The following DSCAM variants were observed in gnomAD, a reference collection of about 807,000 sequenced individuals.
DSCAM encodes the protein cell adhesion molecule DSCAM.
Under a neutral mutation model 217.7 loss-of-function variants are expected in DSCAM, and 47 were observed. The observed-to-expected ratio is 0.22, with a 90% CI of 0.17 to 0.28. The LOEUF is 0.28. Ranked by LOEUF, DSCAM falls within the 10% of genes least tolerant of loss-of-function variation. The pLI is 1.00. For missense variants in DSCAM, 2,080 were observed against 2,618.3 expected (o/e 0.79, Z 4.49); for synonymous variants, 1,056 against 1,015.3 (o/e 1.04, Z -0.76).
chr21:40,266,636 TA>T (rs746836342), intron 11 of DSCAM, among the ~76,000 whole-genome samples: 4,812 of 23,580 alleles, frequency 0.2, 417 homozygotes, highest in East Asian at 0.46. Context: ...AAAGATGTTT[TA>T]TATATATATA....
At chr21:40,341,714 A>T (rs7279578) in intron 6 of DSCAM, among the ~76,000 whole-genome samples, 111,600 of 152,130 alleles carry the variant, frequency 0.73, 41,363 homozygotes, top group African/African-American at 0.83. Context: ...GTGCATATAT[A>T]TCATCATAAT....
At chr21:40,277,691 T>A (rs772767120) in intron 10 of DSCAM, among the ~76,000 whole-genome samples, 3 of 147,936 alleles carry the variant, frequency 2.0e-5, no homozygotes, top group Non-Finnish European at 4.5e-5. Flanking sequence ...TGGAGTGCAG[T>A]GGCACGATTT....
intron 3 of DSCAM, among the ~76,000 whole-genome samples, chr21:40,647,505 A>G (rs2089962105): frequency 7.7e-6 from 1 of 129,892 alleles, no homozygotes; most frequent in African/African-American, 2.6e-5. Context: ...AAATAAGTTT[A>G]ATGGACCACT....
chr21:40,639,659 GTGA>G (rs896142655), intron 3 of DSCAM, among the ~76,000 whole-genome samples: 3 of 149,110 alleles, frequency 2.0e-5, no homozygotes, highest in African/African-American at 7.4e-5. Context: ...ATGGTTCTTC[GTGA>G]TGCTTTGTGT....
In DSCAM at chr21:40,235,263, A is replaced by T. The variant is rs544697169; in HGVS notation, c.2356+40834T>A. Among the ~76,000 whole-genome samples the T allele has an allele frequency of 5.7e-4, 87 of 152,328 alleles. 1 individual carries two copies. The South Asian group carries it at 0.015, about 27-fold the overall frequency. ...GAGACTCAAAACAGACAGTGGTTTCATATCAGTTAACCGTATGGTCCAGAG... is the reference window on the plus strand; with the variant it reads ...GAGACTCAAAACAGACAGTGGTTTCTTATCAGTTAACCGTATGGTCCAGAG... On this transcript the variant is annotated intron_variant, in intron 11 of 32. Transcript: ENST00000400454.
intron 3 of DSCAM, among the ~76,000 whole-genome samples, chr21:40,391,228 T>G (rs2075131054): frequency 6.6e-6 from 1 of 152,202 alleles, no homozygotes; most frequent in Non-Finnish European, 1.5e-5. Flanking sequence ...GCTGTTAGAA[T>G]GAGCAGCAAT....
At chr21:40,420,567 C>G (rs2075414042) in intron 3 of DSCAM, among the ~76,000 whole-genome samples, 1 of 152,092 alleles carries the variant, frequency 6.6e-6, no homozygotes, top group Non-Finnish European at 1.5e-5. Flanking sequence ...AATTCTGTTT[C>G]CCCAAAATTT....
At chr21:40,369,279 G>A in intron 3 of DSCAM, 34 bp from the exon 4 acceptor site, 3 of 1,583,100 alleles carry the variant, frequency 1.9e-6, no homozygotes, top group South Asian at 1.2e-5. Context: ...TTGGTTAAAA[G>A]ACAATGAAAG....
At chr21:40,306,736 G>C (rs2074081435) in intron 9 of DSCAM, among the ~76,000 whole-genome samples, 1 of 152,136 alleles carries the variant, frequency 6.6e-6, no homozygotes, top group Non-Finnish European at 1.5e-5. Context: ...TTATATGCTA[G>C]ATTATATTTA....
At chr21:40,379,303 T>C (rs1037713566) in intron 3 of DSCAM, among the ~76,000 whole-genome samples, 7 of 152,210 alleles carry the variant, frequency 4.6e-5, no homozygotes, top group Non-Finnish European at 1.0e-4. Context: ...TGGAAAAAGA[T>C]GTCAGTGGGT....
At chr21:40,483,928 C>A (rs549815206) in intron 3 of DSCAM, among the ~76,000 whole-genome samples, 1 of 152,134 alleles carries the variant, frequency 6.6e-6, no homozygotes, top group Non-Finnish European at 1.5e-5. Flanking sequence ...TCTTTCCTTA[C>A]CAAGGCTGAG....
At chr21:40,723,864 A>G (rs564794821) in intron 1 of DSCAM, among the ~76,000 whole-genome samples, 17 of 152,330 alleles carry the variant, frequency 1.1e-4, no homozygotes, top group African/African-American at 4.1e-4. Context: ...TTTTTATCCA[A>G]TATTTGTACT....
rs753491637 is a variant in DSCAM, at chr21:40,347,734, T to C, written c.1146A>G (p.Ala382=). 5.0e-6 allele frequency: 8 copies of C among 1,614,110 alleles called. No individual in the cohort carries two copies. In the East Asian group the frequency reaches 1.6e-4, roughly 31 times the overall value. ...MDHMVKSDGG[A]YQCFVRKDKL... ...TGTCCTTGCGCACAAAGCACTGGTA[T>C]GCGCCCCCGTCACTTTTGACCATGT... Residue 382 remains alanine (A), a synonymous_variant, in exon 6 of 33, where the codon GCA becomes GCG. Coordinates refer to ENST00000400454, the MANE Select transcript of DSCAM (RefSeq NM_001389.5).
intron 3 of DSCAM, among the ~76,000 whole-genome samples, chr21:40,449,023 T>C (rs73222695): frequency 0.023 from 3,479 of 152,272 alleles, 43 homozygotes; most frequent in South Asian, 0.047. Flanking sequence ...TTATTCCTTT[T>C]CCAGCTTTCA....
intron 11 of DSCAM, among the ~76,000 whole-genome samples, chr21:40,256,962 T>C (rs938448233): frequency 6.6e-6 from 1 of 152,160 alleles, no homozygotes; most frequent in Non-Finnish European, 1.5e-5. Context: ...ACAAACCCTG[T>C]CCCTAAAAGA....
chr21:40,744,706 C>T (rs2091157564), intron 1 of DSCAM, among the ~76,000 whole-genome samples: 1 of 151,956 alleles, frequency 6.6e-6, no homozygotes, highest in East Asian at 1.9e-4. Flanking sequence ...AATATGCAGG[C>T]ATCATCATAA....
At chr21:40,735,092 T>A (rs1157405978) in intron 1 of DSCAM, among the ~76,000 whole-genome samples, 1 of 152,248 alleles carries the variant, frequency 6.6e-6, no homozygotes, top group Admixed American at 6.5e-5. Flanking sequence ...TTACTCTCTG[T>A]TCTCTTTGCC....
rs893547268 is a variant in DSCAM, at chr21:40,016,750, T to C, written c.5687-3364A>G. 1.3e-5 allele frequency among the ~76,000 whole-genome samples: 2 copies of C among 152,314 alleles called. No homozygotes were observed. Among genetic ancestry groups the C allele is most frequent in the East Asian group, 1.9e-4 (1 of 5,180 alleles). On this transcript the variant is annotated intron_variant, in intron 32 of 32. Coordinates refer to ENST00000400454, the MANE Select transcript of DSCAM (RefSeq NM_001389.5). This position sits in a 1 kb window ranked among gnomAD's most constrained non-coding sequence, Gnocchi z 4.3. ...ATGAAAGTGATATGTGTTTAGACAG[T>C]GTTTAAAGCCTGAACCTTAGGAAAC... is the stretch of plus-strand genomic sequence containing the variant.
chr21:40,066,805 C>T (rs1246682172), intron 27 of DSCAM, among the ~76,000 whole-genome samples: 1 of 152,178 alleles, frequency 6.6e-6, no homozygotes, highest in Non-Finnish European at 1.5e-5. Context: ...TATTAATCAG[C>T]CCTGTCAAAA....
Sources: gnomAD v4.1 joint callset for allele counts (sites outside exome capture counted in the v4.1 genomes callset) on GRCh38, gnomAD v4.1.1 for gene constraint, Gnocchi (gnomAD v3.1) non-coding constraint, MANE v1.5 for transcripts, NCBI Gene and HGNC (gene_info 2026-07-23, HGNC 2026-07-21) for gene names.